Variants in GRIP1 observed in about 807,000 individuals in gnomAD.
GRIP1 encodes the protein glutamate receptor-interacting protein 1.
A neutral mutation model predicts 129.9 loss-of-function variants in GRIP1; 45 were observed. The observed-to-expected ratio is 0.35, with a 90% CI of 0.27 to 0.44. The LOEUF (loss-of-function observed/expected upper bound fraction) is 0.44, where lower values mean the gene tolerates loss of function less well. Ranked by LOEUF, GRIP1 falls within the 20% of genes least tolerant of loss-of-function variation. The pLI is 1.00. For missense variants in GRIP1, 1,196 were observed against 1,396.8 expected (o/e 0.86, Z 2.29); for synonymous variants, 530 against 520.8 (o/e 1.02, Z -0.24).
At chr12:66,649,167 T>C (rs564855220) in intron 1 of GRIP1, among the ~76,000 whole-genome samples, 32 of 152,334 alleles carry the variant, frequency 2.1e-4, no homozygotes, top group African/African-American at 6.7e-4. Flanking sequence ...ATATTTTCCC[T>C]AGCAATTTCA....
intron 1 of GRIP1, among the ~76,000 whole-genome samples, chr12:66,964,510 A>G (rs547377578): frequency 2.0e-5 from 3 of 152,082 alleles, no homozygotes; most frequent in African/African-American, 7.2e-5. Flanking sequence ...CCATGCCCCT[A>G]TATTCAGGCC....
intron 1 of GRIP1, among the ~76,000 whole-genome samples, chr12:66,693,792 G>C (rs2035060729): frequency 6.6e-6 from 1 of 152,036 alleles, no homozygotes. Context: ...ATTGTATCAA[G>C]GCGAATCCCA....
intron 1 of GRIP1, among the ~76,000 whole-genome samples, chr12:66,817,202 GCACACACACACACACACACACACA>G (rs57507955): frequency 1.5e-5 from 2 of 136,224 alleles, no homozygotes; most frequent in South Asian, 5.1e-4. Context: ...TTTTCAGTAT[GCACACACACACACACACACACACA>G]CACACACACA....
At chr12:67,062,603 T>C (rs534628781) in intron 1 of GRIP1, among the ~76,000 whole-genome samples, 1 of 151,532 alleles carries the variant, frequency 6.6e-6, no homozygotes, top group Non-Finnish European at 1.5e-5. Context: ...TGTACAAGAG[T>C]AGAGAAGCTG....
chr12:67,008,870 T>C (rs1357325380), intron 1 of GRIP1, among the ~76,000 whole-genome samples: 1 of 152,108 alleles, frequency 6.6e-6, no homozygotes, highest in East Asian at 1.9e-4. Context: ...ACTAACAATA[T>C]GTGCATATTA....
chr12:66,531,253 ATATAT>A (rs1316802271), intron 4 of GRIP1, among the ~76,000 whole-genome samples: 20 of 17,378 alleles, frequency 1.2e-3, no homozygotes, highest in Non-Finnish European at 1.5e-3. Context: ...AAAAAAAAAA[ATATAT>A]ATATATATAT....
At chr12:66,909,793 C>T (rs549221084) in intron 1 of GRIP1, among the ~76,000 whole-genome samples, 1 of 152,258 alleles carries the variant, frequency 6.6e-6, no homozygotes, top group East Asian at 1.9e-4. Context: ...CTAGCTATTT[C>T]TCTTCTAATA....
rs71436016 is a variant in GRIP1 at position 66,602,848 on chromosome 12, CTTTTTTTTTTTT to C, written c.56-5933_56-5922del. 2.2e-3 allele frequency among the ~76,000 whole-genome samples: 155 copies of C among 71,660 alleles called. 2 individuals carry two copies. In the East Asian group the frequency reaches 0.037, roughly 17 times the overall value. The allele number at this position is 71,660 out of a possible 152,430, so 47.0% of individuals were successfully genotyped here. A position where few individuals can be genotyped will look rare whatever the true frequency, so the allele number is the denominator to read the frequency against. ...ATTCCTAAAGGGACCAGATCTTTTGCTTTTTTTTTTTTTTTTTTTTTTTTTTTTGAGATAGGG... is the reference window on the plus strand; with the variant it reads ...ATTCCTAAAGGGACCAGATCTTTTGCTTTTTTTTTTTTTTTTGAGATAGGG... On this transcript the variant is annotated intron_variant, in intron 1 of 24. Transcript: ENST00000359742.
intron 19 of GRIP1, among the ~76,000 whole-genome samples, chr12:66,391,980 G>A (rs1327405994): frequency 1.3e-5 from 2 of 152,162 alleles, no homozygotes; most frequent in African/African-American, 2.4e-5. Flanking sequence ...ATAAGGCAAT[G>A]GGGCCTGTAT....
At chr12:66,428,311 A>G (rs2058047843) in intron 14 of GRIP1, among the ~76,000 whole-genome samples, 1 of 152,196 alleles carries the variant, frequency 6.6e-6, no homozygotes, top group Admixed American at 6.5e-5. Context: ...TTTTTACTGC[A>G]AAGTTGGCAA....
At chr12:66,575,514 T>C (rs2063111683) in intron 2 of GRIP1, among the ~76,000 whole-genome samples, 1 of 152,186 alleles carries the variant, frequency 6.6e-6, no homozygotes, top group Admixed American at 6.5e-5. Context: ...CTCCTAAAAC[T>C]TTCTTTCCTT....
chr12:66,965,660 C>T (rs12809413), intron 1 of GRIP1, among the ~76,000 whole-genome samples: 2 of 150,588 alleles, frequency 1.3e-5, no homozygotes, highest in East Asian at 2.0e-4. Flanking sequence ...TCCACACAAG[C>T]CACTCCATGC....
chr12:66,878,316 CTT>C (rs1166509080), intron 1 of GRIP1, among the ~76,000 whole-genome samples: 1 of 152,118 alleles, frequency 6.6e-6, no homozygotes, highest in Admixed American at 6.6e-5. Flanking sequence ...GGGAAGAAGA[CTT>C]ATTTCAACTA....
At chr12:66,494,894 A>G (rs2138706594) in intron 7 of GRIP1, among the ~76,000 whole-genome samples, 1 of 152,278 alleles carries the variant, frequency 6.6e-6, no homozygotes, top group Middle Eastern at 3.4e-3. Context: ...TCTCAGAAAC[A>G]AAGAAAGCAA....
intron 1 of GRIP1, among the ~76,000 whole-genome samples, chr12:66,736,917 A>AT (rs3051135): frequency 0.033 from 4,585 of 140,250 alleles, 106 homozygotes; most frequent in East Asian, 0.15. Flanking sequence ...TTTGCAAGTC[A>AT]TTTTTTTTTT....
chr12:66,805,580 G>A (rs968252351), upstream of GRIP1, among the ~76,000 whole-genome samples: 2 of 152,158 alleles, frequency 1.3e-5, no homozygotes, highest in South Asian at 4.1e-4. Flanking sequence ...AATAAAGATA[G>A]TTCAATATCT....
chr12:66,769,569 G>A (rs1314498804), intron 1 of GRIP1, among the ~76,000 whole-genome samples: 2 of 152,018 alleles, frequency 1.3e-5, no homozygotes, highest in East Asian at 3.9e-4. Flanking sequence ...CAAGGGCACG[G>A]GTACCATTTT....
chr12:66,669,340 A>C (rs2033959280), intron 1 of GRIP1, among the ~76,000 whole-genome samples: 1 of 152,116 alleles, frequency 6.6e-6, no homozygotes, highest in South Asian at 2.1e-4. Context: ...GTGAGCTGAG[A>C]TCGTGCCACT....
At chr12:66,357,645 T>C (rs747879698) in intron 23 of GRIP1, among the ~76,000 whole-genome samples, 1 of 152,224 alleles carries the variant, frequency 6.6e-6, no homozygotes, top group Non-Finnish European at 1.5e-5. Context: ...ATTAACATCT[T>C]CTGTATTTAT....
Sources: allele counts gnomAD v4.1 joint callset (sites outside exome capture counted in the v4.1 genomes callset), GRCh38; gene constraint gnomAD v4.1.1; transcripts MANE v1.5; gene names NCBI Gene and HGNC (gene_info 2026-07-23, HGNC 2026-07-21).